Variants in RBFOX1 observed in about 807,000 individuals in gnomAD.
RBFOX1 encodes RNA binding protein fox-1 homolog 1.
Under a neutral mutation model 57.7 loss-of-function variants are expected in RBFOX1, and 8 were observed. The observed-to-expected ratio is 0.14, with a 90% CI of 0.08 to 0.25. RBFOX1 has a LOEUF of 0.25. Among genes scored for constraint, RBFOX1 ranks in the 10% least tolerant of loss-of-function variants. The probability of loss-of-function intolerance (pLI) is 1.00; values close to 1 mark genes in which losing one functional copy is unlikely to be tolerated. For missense variants in RBFOX1, 611 were observed against 548.5 expected (o/e 1.11, Z -1.14); for synonymous variants, 326 against 222.4 (o/e 1.47, Z -4.15).
intron 4 of RBFOX1, among the ~76,000 whole-genome samples, chr16:7,426,956 C>G (rs1022755161): frequency 3.9e-5 from 6 of 152,140 alleles, no homozygotes; most frequent in Non-Finnish European, 7.3e-5. Context: ...GAGTTCATGT[C>G]CTTTGTAGGG....
intron 3 of RBFOX1, among the ~76,000 whole-genome samples, chr16:6,831,416 A>G (rs575296573): frequency 6.6e-6 from 1 of 152,312 alleles, no homozygotes; most frequent in South Asian, 2.1e-4. Context: ...AAACAGGAAT[A>G]CTCTGAAACA....
chr16:5,729,115 C>T (rs774706780), intron 3 of RBFOX1, among the ~76,000 whole-genome samples: 2 of 152,218 alleles, frequency 1.3e-5, no homozygotes, highest in African/African-American at 2.4e-5. Flanking sequence ...AGAACCGGAA[C>T]AGTTGAACAT....
At chr16:5,272,730 C>T (rs534010341) in intron 1 of RBFOX1, among the ~76,000 whole-genome samples, 9 of 152,202 alleles carry the variant, frequency 5.9e-5, no homozygotes, top group Non-Finnish European at 1.0e-4. Flanking sequence ...ATTGACTTCC[C>T]TCCTTTGAGG....
intron 1 of RBFOX1, among the ~76,000 whole-genome samples, chr16:5,291,312 G>C (rs2063529336): frequency 6.8e-6 from 1 of 147,874 alleles, no homozygotes; most frequent in African/African-American, 2.5e-5. Flanking sequence ...ACCCAGGCTG[G>C]AGTGCAGTGA....
chr16:5,733,111 A>T (rs1353728440), intron 3 of RBFOX1, among the ~76,000 whole-genome samples: 1 of 152,196 alleles, frequency 6.6e-6, no homozygotes, highest in African/African-American at 2.4e-5. Flanking sequence ...AAATGAACAA[A>T]AAAAGTCCCC....
At chr16:5,956,877 G>T (rs544931270) in intron 4 of RBFOX1, among the ~76,000 whole-genome samples, 13 of 149,950 alleles carry the variant, frequency 8.7e-5, no homozygotes, top group Admixed American at 8.6e-4. Context: ...CGCCATTTTG[G>T]CCAGGCTGCT....
At chr16:6,801,424 A>G (rs539626571) in intron 3 of RBFOX1, among the ~76,000 whole-genome samples, 2 of 152,160 alleles carry the variant, frequency 1.3e-5, no homozygotes, top group Admixed American at 6.5e-5. Context: ...TCAGCTGAAG[A>G]TAAATAAGCA....
chr16:6,945,456 A>T (rs574010884), intron 3 of RBFOX1, among the ~76,000 whole-genome samples: 5 of 144,822 alleles, frequency 3.5e-5, no homozygotes, highest in Admixed American at 2.1e-4. Flanking sequence ...TTTAAAGAAA[A>T]TATGGATATT....
intron 2 of RBFOX1, among the ~76,000 whole-genome samples, chr16:6,346,694 C>T (rs1407026082): frequency 2.0e-5 from 3 of 152,120 alleles, no homozygotes; most frequent in Non-Finnish European, 2.9e-5. Flanking sequence ...TTTATTTTAA[C>T]AGTGTCTTGA....
At chr16:6,855,859 C>CCTTCCTTCG in intron 3 of RBFOX1, among the ~76,000 whole-genome samples, 1 of 49,858 alleles carries the variant, frequency 2.0e-5, no homozygotes, top group Admixed American at 2.2e-4. Context: ...CCCTCCCTTC[C>CCTTCCTTCG]TTTCTTCCCT....
intron 3 of RBFOX1, among the ~76,000 whole-genome samples, chr16:7,042,795 G>A (rs767360377): frequency 5.3e-5 from 8 of 152,224 alleles, no homozygotes; most frequent in Middle Eastern, 3.4e-3. Context: ...GTGTGGTGGC[G>A]CTCACCTGGA....
At chr16:5,977,149 A>G (rs1453008971) in intron 4 of RBFOX1, among the ~76,000 whole-genome samples, 1 of 152,144 alleles carries the variant, frequency 6.6e-6, no homozygotes, top group African/African-American at 2.4e-5. Flanking sequence ...ACTGGACTGG[A>G]CCACCCATCT....
intron 3 of RBFOX1, among the ~76,000 whole-genome samples, chr16:7,039,061 A>T (rs953143511): frequency 6.6e-6 from 1 of 151,968 alleles, no homozygotes; most frequent in African/African-American, 2.4e-5. Context: ...AGAAGTGCTC[A>T]CTAAATGTGT....
intron 3 of RBFOX1, among the ~76,000 whole-genome samples, chr16:6,780,594 ATTTC>A (rs1327636659): frequency 4.2e-4 from 59 of 139,048 alleles, no homozygotes; most frequent in African/African-American, 1.4e-3. Flanking sequence ...TTATATATAT[ATTTC>A]TTTTTTGTTT....
At chr16:6,266,003 T>C (rs1235224862) in intron 1 of RBFOX1, among the ~76,000 whole-genome samples, 5 of 152,192 alleles carry the variant, frequency 3.3e-5, no homozygotes, top group African/African-American at 1.2e-4. Context: ...CTTTTTGTGG[T>C]ATTTCTTACT....
chr16:6,533,811 G>A (rs771235118), intron 2 of RBFOX1, among the ~76,000 whole-genome samples: 9 of 152,108 alleles, frequency 5.9e-5, no homozygotes, highest in Non-Finnish European at 8.8e-5. Context: ...TTTGAAAACT[G>A]AGCATGGTCA....
At chr16:6,207,177 C>T (rs891785715) in intron 1 of RBFOX1, among the ~76,000 whole-genome samples, 1 of 152,204 alleles carries the variant, frequency 6.6e-6, no homozygotes, top group African/African-American at 2.4e-5. Context: ...CTGCTGGACT[C>T]TTTCGTTTCC....
At chr16:5,276,198 C>G (rs989277683) in intron 1 of RBFOX1, among the ~76,000 whole-genome samples, 12 of 152,160 alleles carry the variant, frequency 7.9e-5, no homozygotes, top group African/African-American at 2.9e-4. Flanking sequence ...CTTAATTAAA[C>G]TAAAAGCCTC....
In RBFOX1 at chr16:6,999,601, A is replaced by G. The variant is rs995814474; in HGVS notation, c.-15-52456A>G. Among the ~76,000 whole-genome samples the G allele has an allele frequency of 5.9e-5, 9 of 152,176 alleles. No individual in the cohort carries two copies. In the East Asian group the frequency reaches 9.6e-4, roughly 16 times the overall value. On this transcript the variant is annotated intron_variant, in intron 3 of 15. Coordinates refer to ENST00000550418, the MANE Select transcript of RBFOX1 (RefSeq NM_018723.4). ...ATATGCTTTACAGCAGATTTCAACA[A>G]CTACCAATATGTGGCCAAACTTGTT...
Sources: gnomAD v4.1 joint callset for allele counts (sites outside exome capture counted in the v4.1 genomes callset) on GRCh38, gnomAD v4.1.1 for gene constraint, MANE v1.5 for transcripts, NCBI Gene and HGNC (gene_info 2026-07-23, HGNC 2026-07-21) for gene names.